ADAM12: variants seen among roughly 807,000 people sequenced by gnomAD.
ADAM12 encodes the protein disintegrin and metalloproteinase domain-containing protein 12.
Under a neutral mutation model 106.4 loss-of-function variants are expected in ADAM12, and 70 were observed. The ratio of observed to expected loss-of-function variants is 0.66; its 90% CI spans 0.54 to 0.80. The LOEUF is 0.80. Among genes scored for constraint, ADAM12 ranks in the 30% least tolerant of loss-of-function variants. The probability of loss-of-function intolerance (pLI) is 0.00; values close to 1 mark genes in which losing one functional copy is unlikely to be tolerated. For synonymous variants in ADAM12, 420 were observed against 433.5 expected (o/e 0.97, Z 0.39); for missense variants, 1,010 against 1,171.9 (o/e 0.86, Z 2.02).
intron 3 of ADAM12, among the ~76,000 whole-genome samples, chr10:126,271,516 T>G (rs1188182474): frequency 6.6e-6 from 1 of 152,222 alleles, no homozygotes; most frequent in East Asian, 1.9e-4. Context: ...CAGTAGCTCA[T>G]GCCTTTGGGA....
At chr10:126,216,340 A>G (rs746648850) in intron 3 of ADAM12, among the ~76,000 whole-genome samples, 2 of 152,226 alleles carry the variant, frequency 1.3e-5, no homozygotes, top group Non-Finnish European at 2.9e-5. Context: ...AGCAAAGCCC[A>G]CTTCGAACTT....
intron 3 of ADAM12, among the ~76,000 whole-genome samples, chr10:126,214,083 A>G (rs1430372105): frequency 1.3e-5 from 2 of 152,256 alleles, no homozygotes; most frequent in African/African-American, 4.8e-5. Context: ...TAATGCAACA[A>G]GAAGCATCAA....
At chr10:126,270,281 T>C (rs1462185957) in intron 3 of ADAM12, among the ~76,000 whole-genome samples, 1 of 152,156 alleles carries the variant, frequency 6.6e-6, no homozygotes, top group East Asian at 1.9e-4. Flanking sequence ...CTGCAGGCAT[T>C]AGGCAAGCTG....
At chr10:126,327,960 GCCT>G (rs1854364444) in intron 2 of ADAM12, among the ~76,000 whole-genome samples, 1 of 152,122 alleles carries the variant, frequency 6.6e-6, no homozygotes, top group Admixed American at 6.5e-5. Context: ...AGACACACCT[GCCT>G]CCTCCCTGCT....
At chr10:126,078,542 G>A (rs989999256) in intron 11 of ADAM12, among the ~76,000 whole-genome samples, 11 of 152,220 alleles carry the variant, frequency 7.2e-5, no homozygotes, top group South Asian at 2.1e-4. Flanking sequence ...GTAAGTTCTC[G>A]CTGCCTTCAT....
At chr10:126,264,857 C>T (rs1959067653) in intron 3 of ADAM12, among the ~76,000 whole-genome samples, 1 of 152,202 alleles carries the variant, frequency 6.6e-6, no homozygotes, top group Admixed American at 6.5e-5. Flanking sequence ...TCCTGCTTCC[C>T]TGTTCTCACC....
At chr10:126,109,469 A>G (rs533470655) in intron 7 of ADAM12, among the ~76,000 whole-genome samples, 4 of 152,178 alleles carry the variant, frequency 2.6e-5, no homozygotes, top group Non-Finnish European at 4.4e-5. Flanking sequence ...TTTCCCCAAA[A>G]TGTTTTAGAA....
At chr10:126,336,718 GAC>G (rs932008710) in intron 1 of ADAM12, among the ~76,000 whole-genome samples, 1 of 152,122 alleles carries the variant, frequency 6.6e-6, no homozygotes, top group African/African-American at 2.4e-5. Flanking sequence ...GACACCAAGT[GAC>G]ACACACACAA....
chr10:126,293,975 A>G (rs577449370), intron 2 of ADAM12, among the ~76,000 whole-genome samples: 32 of 152,262 alleles, frequency 2.1e-4, no homozygotes, highest in African/African-American at 7.7e-4. Flanking sequence ...AACACTGTCT[A>G]CCCACTGGGC....
intron 11 of ADAM12, among the ~76,000 whole-genome samples, chr10:126,078,808 A>G (rs1174934400): frequency 6.6e-6 from 1 of 152,038 alleles, no homozygotes; most frequent in Non-Finnish European, 1.5e-5. Flanking sequence ...CAGTTAGGGG[A>G]TGGCAGTACT....
chr10:126,082,409 C>T (rs1360061273), intron 11 of ADAM12, among the ~76,000 whole-genome samples: 1 of 125,356 alleles, frequency 8.0e-6, no homozygotes, highest in Admixed American at 1.0e-4. Context: ...CGCTCTGTAG[C>T]CCAGGTTGGA....
intron 21 of ADAM12, among the ~76,000 whole-genome samples, chr10:126,032,673 T>C (rs1049523982): frequency 2.6e-5 from 4 of 152,214 alleles, no homozygotes; most frequent in African/African-American, 7.2e-5. Context: ...GGAGCTTCTC[T>C]GCTCTTTGGC....
rs151012616 is a variant in ADAM12, at chr10:126,287,218, A to G, written c.187-8230T>C. Among the ~76,000 whole-genome samples, 17 of 152,344 alleles carry G rather than the reference A, an allele frequency of 1.1e-4. No individual in the cohort carries two copies. The East Asian group carries it at 1.5e-3, about 14-fold the overall frequency. ...GTCTGCTTCTGTGCATCTGAATGCT[A>G]TAGAATGACAGTCCACCAGGCACGT... On this transcript the variant is annotated intron_variant, in intron 2 of 22. Coordinates refer to ENST00000448723, the MANE Select transcript of ADAM12 (RefSeq NM_001288973.2).
chr10:126,079,497 C>A (rs2133522246), intron 11 of ADAM12, among the ~76,000 whole-genome samples: 1 of 152,328 alleles, frequency 6.6e-6, no homozygotes, highest in Non-Finnish European at 1.5e-5. Context: ...TGGTAGCATG[C>A]ATCGGAACCT....
chr10:126,105,353 A>G (rs1955744842), intron 8 of ADAM12, among the ~76,000 whole-genome samples: 1 of 152,152 alleles, frequency 6.6e-6, no homozygotes, highest in African/African-American at 2.4e-5. Context: ...TGGGTTTAAT[A>G]TAGTTTATCA....
At chr10:126,277,217 C>A (rs1258894917) in intron 3 of ADAM12, among the ~76,000 whole-genome samples, 1 of 152,138 alleles carries the variant, frequency 6.6e-6, no homozygotes, top group Non-Finnish European at 1.5e-5. Flanking sequence ...CCCTTCCCCC[C>A]TATAATGTTC....
chr10:126,039,648 A>T (rs888351532), intron 18 of ADAM12, among the ~76,000 whole-genome samples: 1 of 152,198 alleles, frequency 6.6e-6, no homozygotes, highest in Non-Finnish European at 1.5e-5. Context: ...AGAACTTGCT[A>T]AACAGGAATA....
chr10:126,079,073 C>T (rs1026494502), intron 11 of ADAM12, among the ~76,000 whole-genome samples: 17 of 152,282 alleles, frequency 1.1e-4, no homozygotes, highest in African/African-American at 4.1e-4. Flanking sequence ...CATTCTCAAG[C>T]CCCACTCAGA....
intron 3 of ADAM12, among the ~76,000 whole-genome samples, chr10:126,192,819 C>T (rs943655539): frequency 5.9e-5 from 9 of 152,240 alleles, no homozygotes; most frequent in Non-Finnish European, 1.3e-4. Flanking sequence ...ACTATCTGGT[C>T]CTCCTCAAAT....
Sources: gnomAD v4.1 joint callset for allele counts (sites outside exome capture counted in the v4.1 genomes callset) on GRCh38, gnomAD v4.1.1 for gene constraint, MANE v1.5 for transcripts, NCBI Gene and HGNC (gene_info 2026-07-23, HGNC 2026-07-21) for gene names.